CECR2: variants seen among roughly 807,000 people sequenced by gnomAD.
CECR2 encodes chromatin remodeling regulator CECR2.
CECR2 carries 30 observed loss-of-function variants against 154.5 expected under a neutral mutation model. The observed-to-expected ratio is 0.19, with a 90% CI of 0.15 to 0.26. CECR2 has a LOEUF of 0.26. Among genes scored for constraint, CECR2 ranks in the 10% least tolerant of loss-of-function variants. CECR2 has a pLI of 1.00. For missense variants in CECR2, 1,743 were observed against 1,829.3 expected (o/e 0.95, Z 0.86); for synonymous variants, 725 against 683.7 (o/e 1.06, Z -0.94).
chr22:17,400,073 C>G (rs908518542), intron 1 of CECR2, among the ~76,000 whole-genome samples: 5 of 152,226 alleles, frequency 3.3e-5, no homozygotes, highest in African/African-American at 1.2e-4. Context: ...TTTAAAAAAT[C>G]TGAAGTGCAG....
chr22:17,483,454 A>T (rs1273275359), intron 2 of CECR2, among the ~76,000 whole-genome samples: 1 of 152,116 alleles, frequency 6.6e-6, no homozygotes, highest in Non-Finnish European at 1.5e-5. Flanking sequence ...TGTCTCTACT[A>T]AAAAAATTAA....
At chr22:17,360,902 C>T (rs1304232284) in intron 1 of CECR2, among the ~76,000 whole-genome samples, 2 of 151,800 alleles carry the variant, frequency 1.3e-5, no homozygotes, top group African/African-American at 2.4e-5. Flanking sequence ...GTGGCTCATG[C>T]CTATAATCCC....
intron 1 of CECR2, among the ~76,000 whole-genome samples, chr22:17,437,821 C>T (rs1011949049): frequency 2.6e-5 from 4 of 152,020 alleles, no homozygotes; most frequent in African/African-American, 9.7e-5. Flanking sequence ...ATAGTGTCTA[C>T]AAAGATAAAA....
chr22:17,512,017 T>A, intron 8 of CECR2, 121 bp downstream of exon 8: 2 of 731,154 alleles, frequency 2.7e-6, no homozygotes, highest in Non-Finnish European at 4.6e-6. Context: ...CCCAAATGTT[T>A]ATTTAGCAAT....
intron 1 of CECR2, among the ~76,000 whole-genome samples, chr22:17,410,400 C>T (rs1239526790): frequency 6.7e-6 from 1 of 149,534 alleles, no homozygotes; most frequent in African/African-American, 2.6e-5. Context: ...CTTTCATTTA[C>T]TTTCTGATCC....
chr22:17,513,379 C>T (rs779176072), intron 8 of CECR2, among the ~76,000 whole-genome samples: 5 of 152,176 alleles, frequency 3.3e-5, no homozygotes. Flanking sequence ...CGGAGCCTTC[C>T]TTTTGCCTTT....
Position 17,513,370 on chromosome 22 carries a change from G to A in CECR2, c.954+1474G>A, listed in dbSNP as rs114964124. On this transcript the variant is annotated intron_variant, in intron 8 of 18. Coordinates refer to ENST00000262608, the MANE Select transcript of CECR2 (RefSeq NM_001290047.2). ...CCATGTCTTTGAATTGTTACGTTAC[G>A]GAGCCTTCCTTTTGCCTTTCAGTAA... Among the ~76,000 whole-genome samples, 305 of 152,198 alleles carry A rather than the reference G, an allele frequency of 2.0e-3. 2 individuals carry two copies. Among genetic ancestry groups the A allele is most frequent in the African/African-American group, 7.1e-3 (293 of 41,536 alleles).
Position 17,450,802 on chromosome 22 carries a change from A to C in CECR2, c.127-26786A>C, listed in dbSNP as rs2054756897. ...CCCACACAAAAACCTTAGTCTTCCT[A>C]GCTTTCTGCTTTTCTTTCACCTTGC... On this transcript the variant is annotated intron_variant, in intron 1 of 18. Transcript: ENST00000262608. 2.0e-5 allele frequency among the ~76,000 whole-genome samples: 3 copies of C among 152,310 alleles called. No homozygotes were observed. The South Asian group carries it at 6.2e-4, about 32-fold the overall frequency.
intron 18 of CECR2, among the ~76,000 whole-genome samples, 197 bp downstream of exon 18, chr22:17,552,339 A>G (rs544768716): frequency 6.6e-6 from 1 of 152,244 alleles, no homozygotes; most frequent in South Asian, 2.1e-4. Context: ...TCTTTTTCTT[A>G]TTGTGATATG....
At chr22:17,530,428 C>CT (rs987624675) in intron 9 of CECR2, among the ~76,000 whole-genome samples, 1 of 151,890 alleles carries the variant, frequency 6.6e-6, no homozygotes, top group African/African-American at 2.4e-5. Context: ...AATCCCAGCA[C>CT]TTTGGGAGGC....
At chr22:17,460,473 G>A in intron 1 of CECR2, among the ~76,000 whole-genome samples, 1 of 152,210 alleles carries the variant, frequency 6.6e-6, no homozygotes, top group East Asian at 1.9e-4. Flanking sequence ...GCCTCCCAAA[G>A]TGCAGGGATT....
intron 1 of CECR2, among the ~76,000 whole-genome samples, chr22:17,474,169 A>C (rs2055172523): frequency 6.6e-6 from 1 of 152,138 alleles, no homozygotes; most frequent in African/African-American, 2.4e-5. Context: ...GCTGAGCTCC[A>C]GGGGTAAGTT....
intron 1 of CECR2, among the ~76,000 whole-genome samples, chr22:17,420,677 GA>G (rs376376410): frequency 4.0e-5 from 6 of 149,490 alleles, no homozygotes; most frequent in Non-Finnish European, 7.4e-5. Flanking sequence ...CTTTGTATTT[GA>G]AAAAAAAATG....
At chr22:17,370,061 G>A (rs1251894644) in intron 1 of CECR2, among the ~76,000 whole-genome samples, 152 bp downstream of exon 1, 6 of 151,366 alleles carry the variant, frequency 4.0e-5, no homozygotes, top group Non-Finnish European at 8.9e-5. Flanking sequence ...AAGGGCAGGA[G>A]GGCGGGCGGG....
chr22:17,428,850 T>C (rs1269723484), intron 1 of CECR2, among the ~76,000 whole-genome samples: 2 of 124,024 alleles, frequency 1.6e-5, no homozygotes, highest in African/African-American at 7.1e-5. Context: ...CAGAGTCATC[T>C]GGGAATGCTC....
chr22:17,521,099 T>C (rs1172991483), intron 8 of CECR2, among the ~76,000 whole-genome samples: 4 of 152,182 alleles, frequency 2.6e-5, no homozygotes, highest in African/African-American at 9.7e-5. Context: ...CTCTCCAGCA[T>C]CTGTTGTTTC....
At chr22:17,508,905 GTCTTA>G (rs1189571305) in intron 7 of CECR2, among the ~76,000 whole-genome samples, 4 of 152,170 alleles carry the variant, frequency 2.6e-5, no homozygotes, top group African/African-American at 9.7e-5. Flanking sequence ...CTGTTTTGCA[GTCTTA>G]TCCAGTGTAA....
intron 16 of CECR2, 53 bp from the exon 17 acceptor site, chr22:17,548,095 T>C: frequency 1.4e-6 from 2 of 1,429,150 alleles, no homozygotes; most frequent in Non-Finnish European, 1.9e-6. Context: ...ACATTAATAC[T>C]GTCATTTCAG....
chr22:17,537,289 T>C (rs1056326833), intron 10 of CECR2, 57 bp downstream of exon 10: 89 of 1,590,816 alleles, frequency 5.6e-5, no homozygotes, highest in Non-Finnish European at 6.8e-5. Context: ...TTATGAAGCA[T>C]TCAGGCACTT....
Sources: gnomAD v4.1 joint callset for allele counts (sites outside exome capture counted in the v4.1 genomes callset) on GRCh38, gnomAD v4.1.1 for gene constraint, MANE v1.5 for transcripts, NCBI Gene and HGNC (gene_info 2026-07-23, HGNC 2026-07-21) for gene names.